The following G2E3 variants were observed in gnomAD, a reference collection of about 807,000 sequenced individuals.
G2E3 encodes G2/M phase-specific E3 ubiquitin-protein ligase.
Under a neutral mutation model 92.8 loss-of-function variants are expected in G2E3, and 35 were observed. The ratio of observed to expected loss-of-function variants is 0.38; its 90% CI spans 0.29 to 0.50. The LOEUF is 0.50. G2E3 is among the 20% of genes least tolerant of loss of function. G2E3 has a pLI of 0.94. For synonymous variants in G2E3, 242 were observed against 272.4 expected (o/e 0.89, Z 1.10); for missense variants, 554 against 823.8 (o/e 0.67, Z 4.01).
At chr14:30,596,674 C>G (rs1475384061) in intron 6 of G2E3, among the ~76,000 whole-genome samples, 1 of 152,164 alleles carries the variant, frequency 6.6e-6, no homozygotes, top group South Asian at 2.1e-4. Flanking sequence ...TTAAAATACT[C>G]ACATACTTTT....
chr14:30,601,455 A>G (rs1339517476), intron 8 of G2E3, among the ~76,000 whole-genome samples: 1 of 152,222 alleles, frequency 6.6e-6, no homozygotes, highest in Non-Finnish European at 1.5e-5. Context: ...AAGCATAGTC[A>G]TCTCTAAGTA....
intron 2 of G2E3, among the ~76,000 whole-genome samples, chr14:30,586,474 C>T (rs756509210): frequency 2.0e-5 from 3 of 152,186 alleles, no homozygotes; most frequent in Non-Finnish European, 2.9e-5. Context: ...TTTTCAGTGA[C>T]GTTACTTCAT....
chr14:30,598,365 C>T (rs1881391751), intron 7 of G2E3, 118 bp from the exon 8 acceptor site: 2 of 667,098 alleles, frequency 3.0e-6, no homozygotes. Context: ...CCAGCCTGGG[C>T]GAAAGAGCAA....
intron 8 of G2E3, among the ~76,000 whole-genome samples, chr14:30,599,840 T>C (rs1198262845): frequency 6.6e-6 from 1 of 152,206 alleles, no homozygotes; most frequent in African/African-American, 2.4e-5. Context: ...TGTATTTCTA[T>C]TGGACAGCAC....
At chr14:30,585,511 T>A (rs1309804374) in intron 2 of G2E3, among the ~76,000 whole-genome samples, 1 of 152,124 alleles carries the variant, frequency 6.6e-6, no homozygotes, top group African/African-American at 2.4e-5. Flanking sequence ...CATTGATCTA[T>A]ATGTTTATCC....
chr14:30,560,250 A>C (rs1566518532), intron 1 of G2E3: 1 of 152,626 alleles, frequency 6.6e-6, no homozygotes, highest in African/African-American at 2.4e-5. Context: ...AAATGTGTAC[A>C]AGTTTTACAT....
At chr14:30,560,312 A>G (rs1879018114) in intron 1 of G2E3, 1 of 153,262 alleles carries the variant, frequency 6.5e-6, no homozygotes, top group Non-Finnish European at 1.5e-5. Flanking sequence ...AGATATTTTA[A>G]GTTCCTTTTA....
In G2E3 at chr14:30,607,939, T is replaced by C. The variant is rs1428452366; in HGVS notation, c.1370T>C (p.Leu457Ser). Residue 457 changes from leucine to serine, a missense_variant, in exon 12 of 15, where the codon TTA (leucine) becomes TCA (serine). Transcript: ENST00000206595. The stretch of plus-strand genomic sequence containing the variant: ...GCTGGCAAAATGCTTGCCATTTCTT[T>C]AGTTCACGGTGGTCCTTCACCTGGT... ...YEAGKMLAIS[L>S]VHGGPSPGFF... The C allele has an allele frequency of 6.2e-7, 1 of 1,610,134 alleles. No individual in the cohort carries two copies. Among genetic ancestry groups the C allele is most frequent in the Admixed American group, 1.7e-5 (1 of 59,342 alleles).
intron 1 of G2E3, among the ~76,000 whole-genome samples, chr14:30,576,488 A>C (rs1218881313): frequency 6.6e-6 from 1 of 152,214 alleles, no homozygotes; most frequent in African/African-American, 2.4e-5. Context: ...GGACTCCAAA[A>C]CCAATCGCAA....
intron 1 of G2E3, among the ~76,000 whole-genome samples, chr14:30,576,747 A>G (rs150939228): frequency 3.9e-5 from 6 of 152,330 alleles, no homozygotes; most frequent in East Asian, 1.9e-4. Context: ...GAATAATGCA[A>G]TGCATAGACT....
In G2E3 at chr14:30,592,243, G is replaced by C. The variant is rs116809970; in HGVS notation, c.238-80G>C. On this transcript the variant is annotated intron_variant, in intron 4 of 14. Coordinates refer to ENST00000206595, the MANE Select transcript of G2E3 (RefSeq NM_017769.5). ...AAATAATTTTCAGATTCCCCACCAG[G>C]AGTATTTATTTATGTCTTGATCATA... is the stretch of plus-strand genomic sequence containing the variant. 1,166 of 1,189,168 alleles carry C rather than the reference G, an allele frequency of 9.8e-4. 10 individuals are homozygous for C. The African/African-American group carries it at 0.016, about 16-fold the overall frequency. The allele number at this position is 1,189,168 out of a possible 1,614,324, so 73.7% of individuals were successfully genotyped here.
chr14:30,599,373 G>A (rs915282797), intron 8 of G2E3, among the ~76,000 whole-genome samples: 1 of 152,072 alleles, frequency 6.6e-6, no homozygotes, highest in African/African-American at 2.4e-5. Context: ...GATTACAGGC[G>A]CATGCCACCA....
chr14:30,579,090 T>A (rs1483998627), intron 1 of G2E3, among the ~76,000 whole-genome samples: 1 of 152,098 alleles, frequency 6.6e-6, no homozygotes, highest in East Asian at 1.9e-4. Flanking sequence ...TAGTTATTGT[T>A]TGAGAATGTA....
intron 6 of G2E3, among the ~76,000 whole-genome samples, chr14:30,596,318 C>G (rs1460367702): frequency 1.3e-5 from 2 of 152,130 alleles, no homozygotes; most frequent in Non-Finnish European, 2.9e-5. Flanking sequence ...TTCAGACACT[C>G]TTTTTGGTAG....
chr14:30,584,867 C>T lies in G2E3; in HGVS notation c.38-1851C>T, dbSNP rs534334867. Among the ~76,000 whole-genome samples the T allele has an allele frequency of 2.2e-4, 30 of 134,118 alleles. No individual in the cohort carries two copies. In the South Asian group the frequency reaches 7.0e-3, roughly 31 times the overall value. 88.0% of individuals were successfully genotyped at this position (134,118 alleles called of 152,430 possible). A position where few individuals can be genotyped will look rare whatever the true frequency, so the allele number is the denominator to read the frequency against. On this transcript the variant is annotated intron_variant, in intron 2 of 14. Coordinates refer to ENST00000206595, the MANE Select transcript of G2E3 (RefSeq NM_017769.5). ...TTTTTGAGACGGAGTCTTGCTCTGT[C>T]GCCCAGGCTGGAGTGCAGTCACACA...
chr14:30,605,094 C>T (rs1346923997), intron 10 of G2E3, among the ~76,000 whole-genome samples: 1 of 152,144 alleles, frequency 6.6e-6, no homozygotes, highest in East Asian at 1.9e-4. Context: ...CAGGGTTTCT[C>T]CCTGTGGGTC....
At chr14:30,585,313 G>A (rs1880648300) in intron 2 of G2E3, among the ~76,000 whole-genome samples, 1 of 152,014 alleles carries the variant, frequency 6.6e-6, no homozygotes, top group African/African-American at 2.4e-5. Flanking sequence ...ATCCTTGGCT[G>A]GTATTTAATT....
intron 8 of G2E3, among the ~76,000 whole-genome samples, chr14:30,600,452 T>C (rs1881511892): frequency 6.6e-6 from 1 of 152,244 alleles, no homozygotes; most frequent in African/African-American, 2.4e-5. Flanking sequence ...GTGACCCTGA[T>C]TATTCATTCG....
At chr14:30,599,759 ATG>A (rs201630875) in intron 8 of G2E3, among the ~76,000 whole-genome samples, 2,538 of 152,294 alleles carry the variant, frequency 0.017, 89 homozygotes, top group African/African-American at 0.057. Context: ...ATAAAAATAT[ATG>A]TTATTTAACT....
Sources: gnomAD v4.1 joint callset for allele counts (sites outside exome capture counted in the v4.1 genomes callset) on GRCh38, gnomAD v4.1.1 for gene constraint, MANE v1.5 for transcripts, NCBI Gene and HGNC (gene_info 2026-07-23, HGNC 2026-07-21) for gene names.